Variants in MGAT4C observed in about 807,000 individuals in gnomAD.
The protein encoded by MGAT4C is MGAT4 family member C.
Under a neutral mutation model 40.1 loss-of-function variants are expected in MGAT4C, and 19 were observed. The ratio of observed to expected loss-of-function variants is 0.47; its 90% CI spans 0.33 to 0.70. The LOEUF is 0.70. Ranked by LOEUF, MGAT4C falls within the 30% of genes least tolerant of loss-of-function variation. The pLI is 0.02. For synonymous variants in MGAT4C, 181 were observed against 187.1 expected, an observed-to-expected ratio of 0.97 and a Z score of 0.27; for missense variants, 491 against 563.2, an observed-to-expected ratio of 0.87 and a Z score of 1.30.
chr12:85,977,984 T>C lies in MGAT4C; in HGVS notation c.*1305A>G, dbSNP rs1158060913. ...AGGACATTCTGAAAACCAATGTCTT[T>C]AGGACACACTAAGGTGTCCTGAATT... is the stretch of plus-strand genomic sequence containing the variant. On this transcript the variant is annotated 3_prime_UTR_variant, in exon 5 of 5. Coordinates refer to ENST00000611864, the MANE Select transcript of MGAT4C (RefSeq NM_001351288.2). The C allele has an allele frequency of 1.3e-5, 2 of 151,042 alleles. No homozygotes were observed. Among genetic ancestry groups the C allele is most frequent in the African/African-American group, 2.4e-5 (1 of 41,322 alleles). 9.4% of individuals were successfully genotyped at this position (151,042 alleles called of 1,614,324 possible).
At chr12:86,001,829 C>T (rs1271817722) in intron 2 of MGAT4C, 1 of 169,434 alleles carries the variant, frequency 5.9e-6, no homozygotes, top group African/African-American at 2.4e-5. Flanking sequence ...ATTTCTCCCA[C>T]GGTAACTTTT....
intron 2 of MGAT4C, among the ~76,000 whole-genome samples, chr12:86,522,644 A>G (rs1229035214): frequency 6.6e-6 from 1 of 151,994 alleles, no homozygotes; most frequent in East Asian, 1.9e-4. Flanking sequence ...CTCCTCCTCA[A>G]TTTTTTGGAA....
intron 4 of MGAT4C, among the ~76,000 whole-genome samples, chr12:86,296,359 G>C: frequency 1.8e-5 from 1 of 55,754 alleles, no homozygotes. Flanking sequence ...TCCCACACCA[G>C]GGCTGCAGGT....
At chr12:86,232,308 T>G (rs1951356645) in intron 1 of MGAT4C, among the ~76,000 whole-genome samples, 1 of 152,214 alleles carries the variant, frequency 6.6e-6, no homozygotes. Context: ...CTATTCTTAC[T>G]TTGGTGATTG....
At position 85,963,704 on chromosome 12, in the gene MGAT4C, T is replaced by C. The variant is rs1014034888; in HGVS notation, c.*15585A>G. The C allele has an allele frequency of 3.9e-5, 6 of 151,924 alleles. No homozygotes were observed. Among genetic ancestry groups the C allele is most frequent in the African/African-American group, 1.2e-4 (5 of 41,396 alleles). The allele number at this position is 151,924 out of a possible 1,614,324, so 9.4% of individuals were successfully genotyped here. On this transcript the variant is annotated 3_prime_UTR_variant, in exon 5 of 5. Transcript: ENST00000611864. Reference sequence around the variant, plus strand: ...CAAGGTTGTTTAATGGCACAGATAATATAATTCAAATCATGACCCCAGGGC... The same window carrying C: ...CAAGGTTGTTTAATGGCACAGATAACATAATTCAAATCATGACCCCAGGGC...
chr12:85,979,706 G>T lies in MGAT4C; in HGVS notation c.1020C>A (p.Asn340Lys). 1 of 1,613,412 alleles carries T rather than the reference G, an allele frequency of 6.2e-7. No individual in the cohort carries two copies. Among genetic ancestry groups the T allele is most frequent in the Non-Finnish European group, 8.5e-7 (1 of 1,179,778 alleles). The change falls in exon 5 of 5, where the codon AAC (asparagine) becomes AAA (lysine). Residue 340 changes from asparagine (N) to lysine (K), a missense_variant. Transcript: ENST00000611864. ...FEEESFDIPD[N>K]PPASLYTNMN... ...TGTTGGTGTACAGACTTGCAGGGGG[G>T]TTATCAGGAATGTCAAATGACTCCT...
chr12:85,993,729 C>T (rs1886263030), intron 2 of MGAT4C, among the ~76,000 whole-genome samples: 1 of 152,206 alleles, frequency 6.6e-6, no homozygotes, highest in Non-Finnish European at 1.5e-5. Flanking sequence ...GCAGTGGGAA[C>T]CATGAGGAAA....
At chr12:86,038,948 A>G (rs1373901323) in intron 2 of MGAT4C, among the ~76,000 whole-genome samples, 1 of 139,130 alleles carries the variant, frequency 7.2e-6, no homozygotes, top group African/African-American at 2.6e-5. Flanking sequence ...ATCTCTCAGG[A>G]TTTGCTTGTC....
chr12:86,055,821 T>C (rs1410024410), intron 1 of MGAT4C, among the ~76,000 whole-genome samples: 2 of 152,086 alleles, frequency 1.3e-5, no homozygotes, highest in Non-Finnish European at 2.9e-5. Context: ...TACTTATGAT[T>C]CAAGTATCTT....
chr12:86,527,786 T>C (rs1216901541), intron 2 of MGAT4C, among the ~76,000 whole-genome samples: 5 of 152,338 alleles, frequency 3.3e-5, no homozygotes, highest in African/African-American at 1.2e-4. Flanking sequence ...TCTTGATTTC[T>C]TTTTCAAATT....
intron 2 of MGAT4C, among the ~76,000 whole-genome samples, chr12:86,460,071 C>T (rs1217035482): frequency 6.6e-6 from 1 of 151,818 alleles, no homozygotes; most frequent in Non-Finnish European, 1.5e-5. Context: ...CATTTTGAGG[C>T]GTTGGTGTGA....
intron 2 of MGAT4C, among the ~76,000 whole-genome samples, chr12:86,446,714 T>C (rs1319593628): frequency 2.2e-5 from 3 of 133,870 alleles, no homozygotes; most frequent in Non-Finnish European, 3.2e-5. Context: ...TGGATGTGAT[T>C]AGCCATGGTG....
intron 2 of MGAT4C, among the ~76,000 whole-genome samples, chr12:86,541,554 C>T (rs1228749699): frequency 3.3e-5 from 5 of 152,024 alleles, no homozygotes; most frequent in African/African-American, 9.7e-5. Context: ...CTGAAAATGG[C>T]AAATTAAAAT....
intron 1 of MGAT4C, among the ~76,000 whole-genome samples, chr12:86,073,196 C>G (rs765243261): frequency 8.5e-5 from 13 of 152,152 alleles, no homozygotes; most frequent in Non-Finnish European, 1.8e-4. Flanking sequence ...ACTTGGTTCT[C>G]AGTTCTCTCT....
chr12:86,175,893 C>A (rs963775001), intron 1 of MGAT4C, among the ~76,000 whole-genome samples: 1 of 151,988 alleles, frequency 6.6e-6, no homozygotes. Flanking sequence ...ATGGCGTGAA[C>A]CCTGGAGGCA....
At chr12:86,796,318 G>C (rs1292222217) in intron 1 of MGAT4C, among the ~76,000 whole-genome samples, 1 of 151,838 alleles carries the variant, frequency 6.6e-6, no homozygotes, top group East Asian at 1.9e-4. Flanking sequence ...CAGTCTTTGT[G>C]CTAGATGTAC....
chr12:86,294,680 G>C (rs1207424855), intron 4 of MGAT4C, among the ~76,000 whole-genome samples: 1 of 151,990 alleles, frequency 6.6e-6, no homozygotes, highest in Non-Finnish European at 1.5e-5. Context: ...CATTTGTTGG[G>C]GGGGAAAAAA....
intron 3 of MGAT4C, among the ~76,000 whole-genome samples, chr12:85,988,761 A>G (rs1379810908): frequency 1.3e-5 from 2 of 151,874 alleles, no homozygotes; most frequent in African/African-American, 4.8e-5. Flanking sequence ...ATATTGTCAT[A>G]TTTTCCCTAA....
chr12:86,146,450 C>A (rs1337294541), intron 1 of MGAT4C, among the ~76,000 whole-genome samples: 1 of 152,098 alleles, frequency 6.6e-6, no homozygotes, highest in Non-Finnish European at 1.5e-5. Flanking sequence ...GCTTTTTCAT[C>A]TTCCATTCAC....
Sources: allele counts gnomAD v4.1 joint callset (sites outside exome capture counted in the v4.1 genomes callset), GRCh38; gene constraint gnomAD v4.1.1; transcripts MANE v1.5; gene names NCBI Gene and HGNC (gene_info 2026-07-23, HGNC 2026-07-21).